MACROD1: variants seen among roughly 807,000 people sequenced by gnomAD.
The protein encoded by MACROD1 is ADP-ribose glycohydrolase MACROD1.
In MACROD1, 31 loss-of-function variants were observed where a neutral mutation model predicts 41.4. That is an observed-to-expected ratio of 0.75 (90% CI 0.56 to 1.01). The LOEUF (loss-of-function observed/expected upper bound fraction) is 1.01, where lower values mean the gene tolerates loss of function less well. MACROD1 is among the 50% of genes least tolerant of loss of function. MACROD1 has a pLI of 0.00. For synonymous variants in MACROD1, 252 were observed against 203.4 expected (o/e 1.24, Z -2.03); for missense variants, 473 against 460.0 (o/e 1.03, Z -0.26).
At chr11:64,156,245 C>A (rs1418703134) in intron 1 of MACROD1, among the ~76,000 whole-genome samples, 1 of 152,164 alleles carries the variant, frequency 6.6e-6, no homozygotes, top group Non-Finnish European at 1.5e-5. Flanking sequence ...TGTGCCACTG[C>A]ACTCCAGACT....
In MACROD1 at chr11:64,129,170, G is replaced by A. The variant is rs74594527; in HGVS notation, c.517+22069C>T. ...CAGGTGTTGCCCAGAAAGGGTTCCC[G>A]GTCACAGGCCTTTGGGAACCACTGG... On this transcript the variant is annotated intron_variant, in intron 3 of 10. Transcript: ENST00000255681. Among the ~76,000 whole-genome samples the A allele has an allele frequency of 5.0e-3, 763 of 152,342 alleles. 6 individuals carry two copies. The highest frequency in any genetic ancestry group is 8.6e-3 in the Admixed American group (131 of 15,308).
At chr11:64,079,221 G>A (rs1270475529) in intron 3 of MACROD1, among the ~76,000 whole-genome samples, 1 of 151,866 alleles carries the variant, frequency 6.6e-6, no homozygotes, top group Admixed American at 6.6e-5. Context: ...GGAGCCCCAC[G>A]GCCCCTTCCT....
chr11:64,059,892 G>GGAGGC (rs58718475), intron 3 of MACROD1, among the ~76,000 whole-genome samples: 1 of 152,172 alleles, frequency 6.6e-6, no homozygotes, highest in East Asian at 1.9e-4. Flanking sequence ...TGAAGGCCGA[G>GGAGGC]GAGGCGAGGC....
chr11:64,104,636 T>C (rs1258500707), intron 3 of MACROD1, among the ~76,000 whole-genome samples: 1 of 151,924 alleles, frequency 6.6e-6, no homozygotes, highest in Non-Finnish European at 1.5e-5. Context: ...TCCACAAGTC[T>C]ATATCAGGGC....
chr11:64,133,551 G>A (rs1035316554), intron 3 of MACROD1, among the ~76,000 whole-genome samples: 7 of 152,190 alleles, frequency 4.6e-5, no homozygotes, highest in Non-Finnish European at 1.0e-4. Flanking sequence ...TGCTCCGGAA[G>A]CACTGGACAC....
At chr11:63,999,866 C>A in intron 5 of MACROD1, 103 bp from the exon 6 acceptor site, 4 of 1,312,526 alleles carry the variant, frequency 3.0e-6, no homozygotes, top group South Asian at 2.9e-5. Context: ...AACACCTTTC[C>A]CCCCAAGCGC....
At chr11:64,045,897 G>C (rs1356020371) in intron 3 of MACROD1, among the ~76,000 whole-genome samples, 1 of 152,114 alleles carries the variant, frequency 6.6e-6, no homozygotes, top group Non-Finnish European at 1.5e-5. Context: ...GACCAGCCTG[G>C]GCAACATAGC....
chr11:64,135,570 C>T (rs1945320841), intron 3 of MACROD1, among the ~76,000 whole-genome samples: 1 of 152,218 alleles, frequency 6.6e-6, no homozygotes, highest in Admixed American at 6.5e-5. Flanking sequence ...ACACGCAGGC[C>T]ATAAAACTGA....
chr11:64,092,030 C>A (rs1428855649), intron 3 of MACROD1, among the ~76,000 whole-genome samples: 1 of 152,182 alleles, frequency 6.6e-6, no homozygotes, highest in East Asian at 1.9e-4. Context: ...ATCTCAGCTC[C>A]TGAGGGTCCC....
chr11:64,010,589 G>T (rs1402131565), intron 4 of MACROD1, among the ~76,000 whole-genome samples: 1 of 148,524 alleles, frequency 6.7e-6, no homozygotes, highest in Non-Finnish European at 1.5e-5. Context: ...GTTGATTGGG[G>T]TGTTGGCTGC....
chr11:64,075,559 C>T (rs12799550), intron 3 of MACROD1, among the ~76,000 whole-genome samples: 3,035 of 152,374 alleles, frequency 0.02, 51 homozygotes, highest in Non-Finnish European at 0.029. Flanking sequence ...ATCTGGCCTG[C>T]TGCCCTCCTT....
intron 3 of MACROD1, among the ~76,000 whole-genome samples, chr11:64,092,882 T>A (rs888071655): frequency 1.3e-5 from 2 of 152,100 alleles, no homozygotes; most frequent in Non-Finnish European, 2.9e-5. Context: ...ACCGCTGGAG[T>A]GAACAAACTT....
At chr11:64,147,579 C>T (rs1590967836) in intron 3 of MACROD1, among the ~76,000 whole-genome samples, 1 of 150,956 alleles carries the variant, frequency 6.6e-6, no homozygotes, top group Non-Finnish European at 1.5e-5. Flanking sequence ...CATGCCATCA[C>T]GCCTGGCTAA....
At chr11:64,157,689 G>A (rs544435789) in intron 1 of MACROD1, among the ~76,000 whole-genome samples, 17 of 152,276 alleles carry the variant, frequency 1.1e-4, no homozygotes, top group Middle Eastern at 3.4e-3. Flanking sequence ...TGCAGCGGGC[G>A]AATGGGAATT....
chr11:64,063,718 C>T (rs759526248), intron 3 of MACROD1, among the ~76,000 whole-genome samples: 2 of 152,164 alleles, frequency 1.3e-5, no homozygotes, highest in African/African-American at 2.4e-5. Context: ...GGTGCTGAAA[C>T]CTACTCCCCC....
chr11:64,130,020 G>A (rs1383451984), intron 3 of MACROD1, among the ~76,000 whole-genome samples: 1 of 152,140 alleles, frequency 6.6e-6, no homozygotes, highest in Non-Finnish European at 1.5e-5. Flanking sequence ...GGACCTGCTG[G>A]CCCCAAAGAG....
intron 1 of MACROD1, among the ~76,000 whole-genome samples, chr11:64,160,338 A>G (rs11603212): frequency 0.15 from 22,793 of 152,062 alleles, 2,147 homozygotes; most frequent in Admixed American, 0.28. Flanking sequence ...CTGCCATTAT[A>G]TTTCCCCACC....
chr11:64,145,040 G>C (rs575335912), intron 3 of MACROD1, among the ~76,000 whole-genome samples: 138 of 152,302 alleles, frequency 9.1e-4, no homozygotes, highest in African/African-American at 3.2e-3. Context: ...GCCAGGCTCT[G>C]CTGGGCCCTC....
intron 3 of MACROD1, among the ~76,000 whole-genome samples, chr11:64,133,009 G>A (rs1945287041): frequency 1.3e-5 from 2 of 152,192 alleles, no homozygotes; most frequent in Non-Finnish European, 2.9e-5. Context: ...GCCTCATGAA[G>A]AGACCAGGCT....
Sources: allele counts gnomAD v4.1 joint callset (sites outside exome capture counted in the v4.1 genomes callset), GRCh38; gene constraint gnomAD v4.1.1; transcripts MANE v1.5; gene names NCBI Gene and HGNC (gene_info 2026-07-23, HGNC 2026-07-21).